PTPRD: variants seen among roughly 807,000 people sequenced by gnomAD.
PTPRD encodes the protein protein tyrosine phosphatase receptor type D.
In PTPRD, 34 loss-of-function variants were observed where a neutral mutation model predicts 214.5. The ratio of observed to expected loss-of-function variants is 0.16; its 90% confidence interval spans 0.12 to 0.21. The LOEUF is 0.21. Among genes scored for constraint, PTPRD ranks in the 10% least tolerant of loss-of-function variants. The pLI, the probability that PTPRD is intolerant of heterozygous loss-of-function variation, is 1.00. For synonymous variants in PTPRD, 1,128 were observed against 845.7 expected (o/e 1.33, Z -5.79); for missense variants, 2,545 against 2,398.7 (o/e 1.06, Z -1.27).
chr9:9,721,638 A>T (rs2097949175), intron 7 of PTPRD, among the ~76,000 whole-genome samples: 1 of 152,180 alleles, frequency 6.6e-6, no homozygotes, highest in African/African-American at 2.4e-5. Context: ...AGTCTTGGTC[A>T]ATCTGACTTT....
chr9:8,814,620 G>A (rs528356821), intron 11 of PTPRD, among the ~76,000 whole-genome samples: 1 of 152,182 alleles, frequency 6.6e-6, no homozygotes, highest in Admixed American at 6.5e-5. Flanking sequence ...AGCCATCCAA[G>A]GGCAGAGATA....
intron 2 of PTPRD, among the ~76,000 whole-genome samples, chr9:10,437,573 C>G (rs965789194): frequency 4.0e-5 from 6 of 151,618 alleles, no homozygotes; most frequent in African/African-American, 1.5e-4. Context: ...AGATACTATT[C>G]CTTTAAAGCA....
At chr9:10,070,855 T>A (rs1427040105) in intron 3 of PTPRD, among the ~76,000 whole-genome samples, 1 of 152,028 alleles carries the variant, frequency 6.6e-6, no homozygotes, top group Non-Finnish European at 1.5e-5. Flanking sequence ...ATGATTACCT[T>A]ATTTTGTAGA....
At chr9:8,390,552 C>A in intron 36 of PTPRD, among the ~76,000 whole-genome samples, 1 of 129,964 alleles carries the variant, frequency 7.7e-6, no homozygotes, top group African/African-American at 3.0e-5. Context: ...TGTTAAGTTG[C>A]TTTATTGCCT....
intron 3 of PTPRD, among the ~76,000 whole-genome samples, chr9:10,104,711 A>G (rs2154218568): frequency 6.6e-6 from 1 of 152,014 alleles, no homozygotes; most frequent in African/African-American, 2.4e-5. Context: ...TTATCTGAAA[A>G]TCATTATTTT....
chr9:9,339,503 T>G (rs1272851716), intron 9 of PTPRD, among the ~76,000 whole-genome samples: 1 of 152,092 alleles, frequency 6.6e-6, no homozygotes, highest in Non-Finnish European at 1.5e-5. Context: ...GAGCTGGAGT[T>G]AAGTTGACGA....
At chr9:9,413,746 C>T (rs918526915) in intron 8 of PTPRD, among the ~76,000 whole-genome samples, 7 of 152,112 alleles carry the variant, frequency 4.6e-5, no homozygotes, top group Non-Finnish European at 8.8e-5. Flanking sequence ...ACTTGTAAAG[C>T]ACAGGAGAGG....
intron 2 of PTPRD, among the ~76,000 whole-genome samples, chr9:10,556,334 GA>G (rs368428592): frequency 2.0e-3 from 302 of 149,204 alleles, no homozygotes; most frequent in African/African-American, 6.3e-3. Flanking sequence ...AAATATTTAG[GA>G]AAAAAAAACA....
intron 25 of PTPRD, among the ~76,000 whole-genome samples, chr9:8,498,668 G>A (rs1403415645): frequency 6.6e-6 from 1 of 152,042 alleles, no homozygotes; most frequent in Non-Finnish European, 1.5e-5. Flanking sequence ...CCTTTTCCCT[G>A]CCAAGTCACC....
At chr9:10,192,499 C>T (rs1282134974) in intron 3 of PTPRD, among the ~76,000 whole-genome samples, 2 of 148,010 alleles carry the variant, frequency 1.4e-5, no homozygotes, top group Non-Finnish European at 3.0e-5. Context: ...TACATTCCTT[C>T]CTTTAAAAAA....
chr9:9,423,119 C>T (rs992465424), intron 8 of PTPRD, among the ~76,000 whole-genome samples: 3 of 152,096 alleles, frequency 2.0e-5, no homozygotes, highest in African/African-American at 4.8e-5. Context: ...CTCCATCTGC[C>T]TGCTAGAAGA....
At chr9:10,611,915 C>G (rs1270762610) in intron 2 of PTPRD, among the ~76,000 whole-genome samples, 2 of 150,022 alleles carry the variant, frequency 1.3e-5, no homozygotes, top group African/African-American at 2.4e-5. Context: ...GCCCCCCCCC[C>G]CTTTTTTTTT....
chr9:9,768,662 A>G (rs896855377), intron 5 of PTPRD, among the ~76,000 whole-genome samples: 3 of 152,188 alleles, frequency 2.0e-5, no homozygotes, highest in Non-Finnish European at 2.9e-5. Context: ...GCAGTCTGGC[A>G]TGACTAGAGA....
chr9:9,822,114 T>A (rs2050961591), intron 5 of PTPRD, among the ~76,000 whole-genome samples: 1 of 151,350 alleles, frequency 6.6e-6, no homozygotes, highest in African/African-American at 2.4e-5. Flanking sequence ...ATTGGCCTTA[T>A]AAATATAGAT....
At chr9:8,631,804 A>C (rs1284642339) in intron 14 of PTPRD, among the ~76,000 whole-genome samples, 1 of 151,798 alleles carries the variant, frequency 6.6e-6, no homozygotes, top group African/African-American at 2.4e-5. Flanking sequence ...TGTTTTTAGC[A>C]ACTGGAAATT....
At chr9:9,658,838 G>T (rs2096570904) in intron 7 of PTPRD, among the ~76,000 whole-genome samples, 1 of 151,970 alleles carries the variant, frequency 6.6e-6, no homozygotes. Flanking sequence ...ACAATTCTTG[G>T]TGCTTGTTAT....
intron 7 of PTPRD, among the ~76,000 whole-genome samples, chr9:9,618,272 G>A (rs543886656): frequency 8.6e-5 from 13 of 151,498 alleles, no homozygotes; most frequent in African/African-American, 3.1e-4. Flanking sequence ...TAACCCTTCC[G>A]GGAAGACAGT....
chr9:8,451,853 G>A (rs1180713349), intron 33 of PTPRD: 1 of 490,192 alleles, frequency 2.0e-6, no homozygotes, highest in Non-Finnish European at 4.1e-6. Context: ...ATGGAAACCA[G>A]AATTAGAAAT....
chr9:10,346,423 G>C (rs1025753701), intron 2 of PTPRD, among the ~76,000 whole-genome samples: 3 of 151,952 alleles, frequency 2.0e-5, no homozygotes, highest in African/African-American at 7.3e-5. Flanking sequence ...TAAAGTATGA[G>C]GAGGACAAAA....
Sources: gnomAD v4.1 joint callset for allele counts (sites outside exome capture counted in the v4.1 genomes callset) on GRCh38, gnomAD v4.1.1 for gene constraint, MANE v1.5 for transcripts, NCBI Gene and HGNC (gene_info 2026-07-23, HGNC 2026-07-21) for gene names.